Variants in DNAH8 observed in about 807,000 individuals in gnomAD.
DNAH8 encodes the protein axonemal beta dynein heavy chain 8.
DNAH8 carries 382 observed loss-of-function variants against 562.1 expected under a neutral mutation model. That is an observed-to-expected ratio of 0.68 (90% CI 0.63 to 0.74). The LOEUF (loss-of-function observed/expected upper bound fraction) is 0.74, where lower values mean the gene tolerates loss of function less well. Among genes scored for constraint, DNAH8 ranks in the 30% least tolerant of loss-of-function variants. DNAH8 has a pLI of 0.00. For synonymous variants in DNAH8, 1,881 were observed against 1,919.4 expected, an observed-to-expected ratio of 0.98 and a Z score of 0.52; for missense variants, 5,203 against 5,620.4, an observed-to-expected ratio of 0.93 and a Z score of 2.37.
At chr6:38,886,036 A>T (rs1292698246) in intron 56 of DNAH8, among the ~76,000 whole-genome samples, 1 of 152,222 alleles carries the variant, frequency 6.6e-6, no homozygotes, top group African/African-American at 2.4e-5. Flanking sequence ...GCACTAAGAG[A>T]TGCTCAATAG....
chr6:38,857,102 C>A (rs1053987866), intron 41 of DNAH8, among the ~76,000 whole-genome samples: 1 of 152,124 alleles, frequency 6.6e-6, no homozygotes, highest in African/African-American at 2.4e-5. Context: ...AGGGAGCAAT[C>A]AAGAAAGGAG....
intron 39 of DNAH8, among the ~76,000 whole-genome samples, chr6:38,852,268 C>T (rs943019258): frequency 2.0e-5 from 3 of 152,010 alleles, no homozygotes; most frequent in Admixed American, 6.6e-5. Context: ...ATCTGGGAAA[C>T]GGCTAATGTA....
intron 42 of DNAH8, among the ~76,000 whole-genome samples, chr6:38,858,612 T>C (rs932051756): frequency 2.0e-5 from 3 of 152,188 alleles, no homozygotes; most frequent in African/African-American, 7.2e-5. Context: ...CCTCCTCCCA[T>C]CCAAGACCTA....
At chr6:38,796,822 C>T (rs566301602) in intron 21 of DNAH8, among the ~76,000 whole-genome samples, 5 of 152,122 alleles carry the variant, frequency 3.3e-5, no homozygotes, top group South Asian at 4.2e-4. Flanking sequence ...CCGATGCTCC[C>T]AGTTGAATAA....
At chr6:38,948,799 A>G (rs77180579) in intron 80 of DNAH8, among the ~76,000 whole-genome samples, 2,459 of 152,290 alleles carry the variant, frequency 0.016, 24 homozygotes, top group Middle Eastern at 0.031. Flanking sequence ...AGTCCTTTTC[A>G]TGCTTCTGAA....
At chr6:38,748,604 T>C (rs1200107962) in intron 8 of DNAH8, among the ~76,000 whole-genome samples, 1 of 151,814 alleles carries the variant, frequency 6.6e-6, no homozygotes, top group Non-Finnish European at 1.5e-5. Flanking sequence ...GAGTGGTCAG[T>C]TAATAATAAG....
Position 39,026,615 on chromosome 6 carries a change from T to A in DNAH8, c.13784T>A (p.Ile4595Asn). The change falls in exon 92 of 93, where the codon ATC (isoleucine) becomes AAC (asparagine). Residue 4595 changes from isoleucine (I) to asparagine (N), a missense_variant. Physicochemically the swap from Ile to Asn is moderately radical, Grantham distance 149 (BLOSUM62 -3). Transcript: ENST00000327475. ...HKGWALDTVT[I>N]HNEVLRQTKE... ...GGCTGGGCACTGGACACTGTGACCATCCACAATGAAGTTCTGAGACAGACC... is the reference window on the plus strand; with the variant it reads ...GGCTGGGCACTGGACACTGTGACCAACCACAATGAAGTTCTGAGACAGACC... The A allele has an allele frequency of 6.2e-7, 1 of 1,613,426 alleles. No individual in the cohort carries two copies. Among genetic ancestry groups the A allele is most frequent in the Non-Finnish European group, 8.5e-7 (1 of 1,179,742 alleles).
In DNAH8 at chr6:38,859,202, C is replaced by A. The variant is rs191957209; in HGVS notation, c.5959-1255C>A. ...TTCTTCTCCACCTCCTCCTTACCAT[C>A]TTAACAGATGGTTGAAAGTAGCTGG... On this transcript the variant is annotated intron_variant, in intron 42 of 92. Coordinates refer to ENST00000327475, the MANE Select transcript of DNAH8 (RefSeq NM_001206927.2). 8.5e-4 allele frequency among the ~76,000 whole-genome samples: 129 copies of A among 152,308 alleles called. 1 individual carries two copies. Among genetic ancestry groups the A allele is most frequent in the Non-Finnish European group, 4.4e-5 (3 of 68,032 alleles).
chr6:38,827,800 G>A (rs1424611912), intron 29 of DNAH8, among the ~76,000 whole-genome samples: 5 of 115,886 alleles, frequency 4.3e-5, no homozygotes, highest in African/African-American at 1.4e-4. Flanking sequence ...TCATCCCTTG[G>A]AGCCTGGATC....
intron 30 of DNAH8, among the ~76,000 whole-genome samples, chr6:38,830,618 G>A (rs1433007198): frequency 3.6e-5 from 4 of 112,030 alleles, no homozygotes; most frequent in African/African-American, 1.4e-4. Context: ...CTGGGCAACA[G>A]AGCAAGACTC....
chr6:38,879,640 C>A (rs1778309706), intron 53 of DNAH8, among the ~76,000 whole-genome samples: 2 of 152,194 alleles, frequency 1.3e-5, no homozygotes, highest in Non-Finnish European at 1.5e-5. Context: ...TTCCCAATAT[C>A]AAGAACACAA....
At chr6:38,888,601 A>G (rs1050701139) in intron 57 of DNAH8, among the ~76,000 whole-genome samples, 3 of 152,256 alleles carry the variant, frequency 2.0e-5, no homozygotes, top group African/African-American at 7.2e-5. Context: ...CTTTAAAAAG[A>G]GGAAGCTAAA....
At chr6:38,946,603 G>A (rs1472376252) in intron 80 of DNAH8, among the ~76,000 whole-genome samples, 1 of 152,222 alleles carries the variant, frequency 6.6e-6, no homozygotes. Flanking sequence ...GAGGTCAGGA[G>A]TTTGAGACCA....
chr6:38,823,563 A>G lies in DNAH8; in HGVS notation c.3722A>G (p.Glu1241Gly). ...ATATTGACTATTTTCTTACCACAGG[A>G]ATTTTTGGCTAACAACCCCTCTCTG... ...WTEDRDVKVK[E>G]FLANNPSLTE... The change falls in exon 28 of 93, where the codon GAA becomes GGA. Residue 1241 changes from glutamate (E) to glycine (G), a missense_variant and splice_region_variant. By Grantham distance (98) the Glu-to-Gly change is moderately conservative. This residue lies in a region of DNAH8 where 2,176 missense variants were observed against 2,365.1 expected (regional missense o/e 0.92). Transcript: ENST00000327475. 6.2e-7 allele frequency: 1 copy of G among 1,600,554 alleles called. No individual in the cohort carries two copies.
At chr6:38,894,931 T>C in intron 59 of DNAH8, 67 bp downstream of exon 59, 1 of 1,440,242 alleles carries the variant, frequency 6.9e-7, no homozygotes, top group Non-Finnish European at 9.3e-7. Flanking sequence ...GTTAATTTTT[T>C]TTATTTTTAT....
At position 39,026,560 on chromosome 6, in the gene DNAH8, A is replaced by G. The variant is rs767633539; in HGVS notation, c.13729A>G (p.Met4577Val). The G allele has an allele frequency of 1.2e-6, 2 of 1,611,404 alleles. No homozygotes were observed. Among genetic ancestry groups the G allele is most frequent in the South Asian group, 1.1e-5 (1 of 90,886 alleles). ...TTTTCTTTAAGGCTTCCTCACAGCA[A>G]TGAGGCAAGAAGTGACCCGTGCCCA... Reference protein sequence around the residue: ...FFNPQGFLTAMRQEVTRAHKG... With the variant: ...FFNPQGFLTAVRQEVTRAHKG... Residue 4577 changes from methionine to valine, a missense_variant, in exon 92 of 93, where the codon ATG (methionine) becomes GTG (valine). By Grantham distance (21) the Met-to-Val change is conservative. This residue lies in a region of DNAH8 where 1,399 missense variants were observed against 1,518.4 expected (regional missense o/e 0.92). Coordinates refer to ENST00000327475, the MANE Select transcript of DNAH8 (RefSeq NM_001206927.2).
chr6:38,735,679 TAA>T (rs1303204135), intron 5 of DNAH8, among the ~76,000 whole-genome samples: 1 of 152,186 alleles, frequency 6.6e-6, no homozygotes, highest in African/African-American at 2.4e-5. Flanking sequence ...TGTGTGCATA[TAA>T]AGAGAGAAAA....
rs1762194287 is a variant in DNAH8 at position 38,715,426 on chromosome 6, G to T, written c.-35+11G>T. 6.6e-6 allele frequency: 1 copy of T among 152,390 alleles called. No homozygotes were observed. The highest frequency in any genetic ancestry group is 6.5e-5 in the Admixed American group (1 of 15,294). The allele number at this position is 152,390 out of a possible 1,614,324, so 9.4% of individuals were successfully genotyped here. On this transcript the variant is annotated intron_variant, in intron 1 of 92. Transcript: ENST00000327475. The stretch of plus-strand genomic sequence containing the variant: ...CCCAGAGAGCGGCTGGTGAGTACTT[G>T]GTCGGAGCGCGCTGTGAGCGCCCGG...
intron 91 of DNAH8, among the ~76,000 whole-genome samples, chr6:39,017,388 G>A (rs773216071): frequency 4.6e-5 from 7 of 152,054 alleles, no homozygotes; most frequent in Admixed American, 2.0e-4. Flanking sequence ...GAATATAGTC[G>A]TAATGAGCCT....
Sources: gnomAD v4.1 joint callset for allele counts (sites outside exome capture counted in the v4.1 genomes callset) on GRCh38, gnomAD v4.1.1 for gene constraint, gnomAD v4.1.1 regional missense constraint, MANE v1.5 for transcripts, NCBI Gene and HGNC (gene_info 2026-07-23, HGNC 2026-07-21) for gene names.